RIMKLB: variants seen among roughly 807,000 people sequenced by gnomAD.
The protein encoded by RIMKLB is beta-citrylglutamate synthase B.
Under a neutral mutation model 32.0 loss-of-function variants are expected in RIMKLB, and 7 were observed. The ratio of observed to expected loss-of-function variants is 0.22; its 90% CI spans 0.12 to 0.41. The LOEUF is 0.41. Ranked by LOEUF, RIMKLB falls within the 10% of genes least tolerant of loss-of-function variation. RIMKLB has a pLI of 1.00. For synonymous variants in RIMKLB, 172 were observed against 185.1 expected (o/e 0.93, Z 0.57); for missense variants, 289 against 498.7 (o/e 0.58, Z 4.00).
At chr12:8,730,606 A>G (rs1011791107) in intron 2 of RIMKLB, among the ~76,000 whole-genome samples, 3 of 152,228 alleles carry the variant, frequency 2.0e-5, no homozygotes, top group African/African-American at 7.2e-5. Context: ...GATCTGCCCT[A>G]CACCCTCCAA....
rs778367616 is a variant in RIMKLB at position 8,774,582 on chromosome 12, T to G, written c.*798T>G. The G allele has an allele frequency of 1.0e-6, 1 of 985,114 alleles. No individual in the cohort carries two copies. Among genetic ancestry groups the G allele is most frequent in the Non-Finnish European group, 1.2e-6 (1 of 829,362 alleles). The allele number at this position is 985,114 out of a possible 1,614,324, so 61.0% of individuals were successfully genotyped here. A position where few individuals can be genotyped will look rare whatever the true frequency, so the allele number is the denominator to read the frequency against. On this transcript the variant is annotated 3_prime_UTR_variant, in exon 6 of 6. Transcript: ENST00000535829. ...GCTCTGTTAATGTTGCTTTTTTTTT[T>G]TTTTTTAATACATGCTAGTCTAACA...
At chr12:8,709,916 G>A (rs1210889249) in intron 1 of RIMKLB, among the ~76,000 whole-genome samples, 1 of 152,150 alleles carries the variant, frequency 6.6e-6, no homozygotes, top group Non-Finnish European at 1.5e-5. Context: ...TGGGGGTCTT[G>A]GAATTATCCC....
chr12:8,728,921 G>A (rs936123274), intron 2 of RIMKLB, among the ~76,000 whole-genome samples: 6 of 152,096 alleles, frequency 3.9e-5, no homozygotes, highest in African/African-American at 1.4e-4. Flanking sequence ...CGCTTTGTGG[G>A]ATGGGAACTG....
chr12:8,674,810 A>G, the RIMKLB span, among the ~76,000 whole-genome samples: 1 of 151,450 alleles, frequency 6.6e-6, no homozygotes, highest in Admixed American at 6.6e-5. Context: ...TCAGCCTTTC[A>G]AAGTACTAGA....
At chr12:8,777,545 T>A (rs1950809156), downstream of RIMKLB, 3 of 1,239,094 alleles carry the variant, frequency 2.4e-6, no homozygotes, top group Non-Finnish European at 3.1e-6. Flanking sequence ...ACATTGTTTT[T>A]AAAGAAATAT....
At chr12:8,746,772 C>A (rs1241364479) in intron 2 of RIMKLB, among the ~76,000 whole-genome samples, 1 of 151,540 alleles carries the variant, frequency 6.6e-6, no homozygotes, top group Non-Finnish European at 1.5e-5. Context: ...TTTTTTTTCC[C>A]TTTTAGGGTC....
intron 1 of RIMKLB, among the ~76,000 whole-genome samples, chr12:8,706,435 A>G (rs1040480673): frequency 2.2e-5 from 3 of 134,560 alleles, no homozygotes; most frequent in African/African-American, 8.6e-5. Flanking sequence ...GTGAGCCACC[A>G]CGCCTGGACT....
chr12:8,745,015 G>A (rs965902190), intron 2 of RIMKLB, among the ~76,000 whole-genome samples: 8 of 151,794 alleles, frequency 5.3e-5, no homozygotes, highest in Non-Finnish European at 8.8e-5. Context: ...CTGCCAACGG[G>A]CCCGGTGTGT....
intron 5 of RIMKLB, among the ~76,000 whole-genome samples, chr12:8,758,700 A>T (rs946288609): frequency 3.9e-5 from 6 of 152,136 alleles, no homozygotes; most frequent in African/African-American, 1.4e-4. Context: ...CCTGAAATTG[A>T]TTTTGCTGTT....
At chr12:8,745,761 C>T (rs1313139054) in intron 2 of RIMKLB, among the ~76,000 whole-genome samples, 1 of 146,650 alleles carries the variant, frequency 6.8e-6, no homozygotes, top group Non-Finnish European at 1.5e-5. Context: ...GTGGCTGGAT[C>T]TCAGCTCAGT....
chr12:8,774,923 T>A lies in RIMKLB; in HGVS notation c.*1139T>A. On this transcript the variant is annotated 3_prime_UTR_variant, in exon 6 of 6. Coordinates refer to ENST00000535829, the MANE Select transcript of RIMKLB (RefSeq NM_001297776.2). ...ATGTGTATGTGTTTTGCTTTTTGTTTCCATCAACTAATCAAAAAGGATAAT... is the reference window on the plus strand; with the variant it reads ...ATGTGTATGTGTTTTGCTTTTTGTTACCATCAACTAATCAAAAAGGATAAT... 2 of 985,828 alleles carry A rather than the reference T, an allele frequency of 2.0e-6. No individual in the cohort carries two copies. The highest frequency in any genetic ancestry group is 1.2e-6 in the Non-Finnish European group (1 of 829,914). The allele number at this position is 985,828 out of a possible 1,614,324, so 61.1% of individuals were successfully genotyped here.
intron 2 of RIMKLB, among the ~76,000 whole-genome samples, chr12:8,734,746 A>G (rs1200261003): frequency 6.6e-6 from 1 of 152,144 alleles, no homozygotes; most frequent in Non-Finnish European, 1.5e-5. Flanking sequence ...AATTCAACAC[A>G]GGAAGTAGGA....
chr12:8,725,903 A>G (rs989812540), intron 2 of RIMKLB, among the ~76,000 whole-genome samples: 3 of 152,192 alleles, frequency 2.0e-5, no homozygotes, highest in Admixed American at 2.0e-4. Flanking sequence ...GCTGGAGTGC[A>G]GTGGTGCGAT....
At chr12:8,688,707 A>G (rs928936635) in intron 1 of RIMKLB, among the ~76,000 whole-genome samples, 1 of 152,114 alleles carries the variant, frequency 6.6e-6, no homozygotes, top group Non-Finnish European at 1.5e-5. Flanking sequence ...AATTAAAAAA[A>G]CTTGTTGTTG....
Position 8,753,952 on chromosome 12 carries a change from C to T in RIMKLB, c.556C>T (p.His186Tyr). The stretch of plus-strand genomic sequence containing the variant: ...GGCTGATCTAAGCCATCTTATTCGC[C>T]ATGAAGCGCCATACCTGTTCCAGAA... Reference protein sequence around the residue: ...HLADLSHLIRHEAPYLFQKYV... With the variant: ...HLADLSHLIRYEAPYLFQKYV... Residue 186 changes from histidine to tyrosine, a missense_variant, in exon 5 of 6, where the codon CAT becomes TAT. Around this residue, in one of 3 missense-constraint regions of RIMKLB, gnomAD observed 156 missense variants for 329.5 expected, o/e 0.47. Coordinates refer to ENST00000535829, the MANE Select transcript of RIMKLB (RefSeq NM_001297776.2). 6.2e-7 allele frequency: 1 copy of T among 1,613,898 alleles called. No individual in the cohort carries two copies.
At chr12:8,685,941 G>T (rs1257038907) in intron 1 of RIMKLB, among the ~76,000 whole-genome samples, 1 of 152,104 alleles carries the variant, frequency 6.6e-6, no homozygotes, top group Non-Finnish European at 1.5e-5. Context: ...CCGAGTAGCT[G>T]GGACTACAAG....
chr12:8,781,524 C>G (rs928403016), downstream of RIMKLB, among the ~76,000 whole-genome samples: 3 of 152,152 alleles, frequency 2.0e-5, no homozygotes, highest in African/African-American at 7.2e-5. Context: ...CAGTTCCACC[C>G]TGCCTGTTCA....
At chr12:8,678,510 TA>T (rs1942358230), upstream of RIMKLB, among the ~76,000 whole-genome samples, 1 of 152,044 alleles carries the variant, frequency 6.6e-6, no homozygotes, top group South Asian at 2.1e-4. Flanking sequence ...TTGTTTTTAA[TA>T]GAGACGGGGT....
At chr12:8,706,481 G>T (rs1175136875) in intron 1 of RIMKLB, among the ~76,000 whole-genome samples, 2 of 131,902 alleles carry the variant, frequency 1.5e-5, no homozygotes, top group African/African-American at 6.0e-5. Context: ...ACTGAGTTTC[G>T]CTCTTGTCAC....
Sources: gnomAD v4.1 joint callset for allele counts (sites outside exome capture counted in the v4.1 genomes callset) on GRCh38, gnomAD v4.1.1 for gene constraint, gnomAD v4.1.1 regional missense constraint, MANE v1.5 for transcripts, NCBI Gene and HGNC (gene_info 2026-07-23, HGNC 2026-07-21) for gene names.